Variants in UGT1A3 observed in about 807,000 individuals in gnomAD.
UGT1A3 encodes UDP-glucuronosyltransferase 1A3.
UGT1A3 carries 31 observed loss-of-function variants against 41.0 expected under a neutral mutation model. The observed-to-expected ratio is 0.76, with a 90% CI of 0.57 to 1.02. The LOEUF is 1.02. Ranked by LOEUF, UGT1A3 falls within the 50% of genes least tolerant of loss-of-function variation. The pLI is 0.00. For missense variants in UGT1A3, 737 were observed against 671.0 expected (o/e 1.10, Z -1.09); for synonymous variants, 262 against 257.6 (o/e 1.02, Z -0.17).
chr2:233,760,333 C>T (rs1559406714), intron 1 of UGT1A3: 2 of 1,614,052 alleles, frequency 1.2e-6, no homozygotes, highest in East Asian at 4.5e-5. Flanking sequence ...CCTGGGCCTG[C>T]TGCTGTGTGT....
rs1699290986 is a variant in UGT1A3 at position 233,766,960 on chromosome 2, A to T, written c.868-74A>T. 4.4e-6 allele frequency: 7 copies of T among 1,607,258 alleles called. No homozygotes were observed. The South Asian group carries it at 7.8e-5, about 18-fold the overall frequency. On this transcript the variant is annotated intron_variant, in intron 1 of 4. Transcript: ENST00000482026. ...CATAGTCTTAAGAGGAAGATATCTA[A>T]TTCATAACTTACTGTATGTAGTCAT...
intron 1 of UGT1A3, among the ~76,000 whole-genome samples, chr2:233,745,523 G>A (rs530279744): frequency 2.0e-5 from 3 of 151,672 alleles, no homozygotes; most frequent in African/African-American, 2.4e-5. Context: ...GGTCTAATGG[G>A]GATGTGTTAT....
chr2:233,761,781 G>A (rs527861889), intron 1 of UGT1A3, among the ~76,000 whole-genome samples: 8 of 152,266 alleles, frequency 5.3e-5, no homozygotes, highest in South Asian at 2.1e-4. Flanking sequence ...CATCCTCATC[G>A]AAATCTCAGC....
chr2:233,771,421 G>A (rs2126061282), intron 4 of UGT1A3: 1 of 152,290 alleles, frequency 6.6e-6, no homozygotes, highest in Admixed American at 6.5e-5. Flanking sequence ...AGAATAAACA[G>A]AAATCCATTT....
chr2:233,735,108 G>T (rs1171222877), intron 1 of UGT1A3, among the ~76,000 whole-genome samples: 1 of 152,182 alleles, frequency 6.6e-6, no homozygotes, highest in Non-Finnish European at 1.5e-5. Flanking sequence ...AATATCGACA[G>T]TGGGATGTTA....
At chr2:233,739,943 C>A (rs1413730564) in intron 1 of UGT1A3, among the ~76,000 whole-genome samples, 1 of 151,878 alleles carries the variant, frequency 6.6e-6, no homozygotes, top group African/African-American at 2.4e-5. Context: ...AAGGTTGGTA[C>A]CTGGTGGGAG....
chr2:233,743,195 G>C, intron 1 of UGT1A3: 2 of 380,014 alleles, frequency 5.3e-6, no homozygotes, highest in South Asian at 3.9e-5. Flanking sequence ...GAATTACTTG[G>C]TGTCAATGCG....
At chr2:233,755,174 G>A (rs868590389) in intron 1 of UGT1A3, 74 of 1,248,738 alleles carry the variant, frequency 5.9e-5, no homozygotes, top group Non-Finnish European at 7.6e-5. Flanking sequence ...GGTTTTTGTC[G>A]GGGTGCCACT....
chr2:233,741,020 G>A (rs946824154), intron 1 of UGT1A3: 9 of 151,702 alleles, frequency 5.9e-5, no homozygotes, highest in Admixed American at 3.3e-4. Context: ...CCAGGAATTC[G>A]TGGTTACAGT....
intron 4 of UGT1A3, chr2:233,770,370 C>T (rs1700066139): frequency 6.6e-6 from 1 of 152,126 alleles, no homozygotes; most frequent in African/African-American, 2.4e-5. Flanking sequence ...AATGAAAGTT[C>T]TGGCCAGGTA....
At chr2:233,753,560 A>T (rs949425107) in intron 1 of UGT1A3, 1 of 152,242 alleles carries the variant, frequency 6.6e-6, no homozygotes, top group African/African-American at 2.4e-5. Flanking sequence ...TGACCCTAGA[A>T]GATGGGACCC....
At position 233,747,166 on chromosome 2, in the gene UGT1A3, G is replaced by C. The variant is rs1272270999; in HGVS notation, c.867+17173G>C. The C allele has an allele frequency of 9.4e-6, 15 of 1,592,462 alleles. No individual in the cohort carries two copies. In the East Asian group the frequency reaches 2.9e-4, roughly 31 times the overall value. On this transcript the variant is annotated intron_variant, in intron 1 of 4. Coordinates refer to ENST00000482026, the MANE Select transcript of UGT1A3 (RefSeq NM_019093.4). ...ATTAAGATGAAGAAAACAAATGTAG[G>C]AGGCACAGCGTGGGGTGGACAGTCA...
chr2:233,733,971 G>A (rs927832512), intron 1 of UGT1A3, among the ~76,000 whole-genome samples: 7 of 152,028 alleles, frequency 4.6e-5, no homozygotes, highest in African/African-American at 7.3e-5. Flanking sequence ...TAGGGGGAGC[G>A]GGGAGGGATA....
intron 1 of UGT1A3, among the ~76,000 whole-genome samples, chr2:233,759,493 G>T (rs1697150879): frequency 6.6e-6 from 1 of 152,220 alleles, no homozygotes; most frequent in South Asian, 2.1e-4. Flanking sequence ...GCTCTTTCAG[G>T]TTCACACTAA....
At chr2:233,768,541 A>C (rs1699639375) in intron 4 of UGT1A3, 102 bp downstream of exon 4, 3 of 1,492,216 alleles carry the variant, frequency 2.0e-6, no homozygotes, top group Non-Finnish European at 2.7e-6. Flanking sequence ...GTTGTTTCAA[A>C]TATAAAAACA....
intron 1 of UGT1A3, chr2:233,742,002 T>G (rs999682670): frequency 2.6e-5 from 4 of 151,956 alleles, no homozygotes; most frequent in African/African-American, 9.7e-5. Context: ...ACAGATACAC[T>G]TGGCTTTCAT....
At chr2:233,762,774 G>T (rs1698159939) in intron 1 of UGT1A3, among the ~76,000 whole-genome samples, 2 of 149,604 alleles carry the variant, frequency 1.3e-5, no homozygotes, top group Non-Finnish European at 1.5e-5. Flanking sequence ...TCTATCTCTA[G>T]CTGATTATCT....
In UGT1A3 at chr2:233,729,151, C is replaced by T. The variant is rs780105483; in HGVS notation, c.25C>T (p.Leu9=). The T allele has an allele frequency of 1.2e-6, 2 of 1,613,562 alleles. No individual in the cohort carries two copies. The highest frequency in any genetic ancestry group is 1.7e-6 in the Non-Finnish European group (2 of 1,179,908). The change falls in exon 1 of 5, where the codon CTG becomes TTG. Residue 9 remains leucine, a synonymous_variant. Coordinates refer to ENST00000482026, the MANE Select transcript of UGT1A3 (RefSeq NM_019093.4). ...GATGGCCACAGGACTCCAGGTTCCC[C>T]TGCCGTGGCTGGCCACAGGACTGCT... MATGLQVP[L]PWLATGLLLL...
At chr2:233,770,670 A>C (rs1409019520) in intron 4 of UGT1A3, 2 of 152,132 alleles carry the variant, frequency 1.3e-5, no homozygotes, top group Non-Finnish European at 2.9e-5. Flanking sequence ...TTAAAAAAAA[A>C]AAAAAGAAGG....
Sources: allele counts gnomAD v4.1 joint callset (sites outside exome capture counted in the v4.1 genomes callset), GRCh38; gene constraint gnomAD v4.1.1; transcripts MANE v1.5; gene names NCBI Gene and HGNC (gene_info 2026-07-23, HGNC 2026-07-21).